CEP128: variants seen among roughly 807,000 people sequenced by gnomAD.
CEP128 encodes centrosomal protein 128kDa.
In CEP128, 132 loss-of-function variants were observed where a neutral mutation model predicts 156.7. The ratio of observed to expected loss-of-function variants is 0.84; its 90% CI spans 0.73 to 0.97. The LOEUF is 0.97. CEP128 is among the 50% of genes least tolerant of loss of function. The pLI, the probability that CEP128 is intolerant of heterozygous loss-of-function variation, is 0.00. For missense variants in CEP128, 1,252 were observed against 1,281.9 expected (o/e 0.98, Z 0.36); for synonymous variants, 469 against 448.9 (o/e 1.04, Z -0.57).
intron 13 of CEP128, among the ~76,000 whole-genome samples, chr14:80,810,313 A>C (rs1037677347): frequency 8.1e-6 from 1 of 124,104 alleles, no homozygotes; most frequent in Non-Finnish European, 1.6e-5. Flanking sequence ...ACAGAGCAAG[A>C]CTCCATCTCC....
At chr14:80,805,343 A>T (rs1884115957) in intron 13 of CEP128, among the ~76,000 whole-genome samples, 1 of 152,058 alleles carries the variant, frequency 6.6e-6, no homozygotes, top group Non-Finnish European at 1.5e-5. Context: ...TCATACAGAC[A>T]TTATTTATTT....
At chr14:80,559,200 T>C in intron 21 of CEP128, 79 bp downstream of exon 21, 1 of 1,236,794 alleles carries the variant, frequency 8.1e-7, no homozygotes, top group Non-Finnish European at 1.2e-6. Context: ...TGAAACTGTT[T>C]CCTTTGGTGT....
At chr14:80,872,252 C>T (rs951286861) in intron 8 of CEP128, among the ~76,000 whole-genome samples, 1 of 152,052 alleles carries the variant, frequency 6.6e-6, no homozygotes, top group African/African-American at 2.4e-5. Context: ...GGTATAAGGC[C>T]TATGCAATAT....
At chr14:80,550,054 TCA>T (rs1051252793) in intron 21 of CEP128, among the ~76,000 whole-genome samples, 21 of 152,294 alleles carry the variant, frequency 1.4e-4, no homozygotes, top group African/African-American at 4.3e-4. Flanking sequence ...GCTTCAGACT[TCA>T]CAGTGTTTTT....
chr14:80,615,347 C>G (rs546045256), intron 19 of CEP128, among the ~76,000 whole-genome samples: 1 of 152,298 alleles, frequency 6.6e-6, no homozygotes, highest in Non-Finnish European at 1.5e-5. Flanking sequence ...CAGCAGATGA[C>G]CCTCTTGGCT....
intron 19 of CEP128, among the ~76,000 whole-genome samples, chr14:80,628,968 CACAGTTAGACT>C (rs1893848726): frequency 1.3e-5 from 2 of 151,628 alleles, no homozygotes; most frequent in African/African-American, 4.8e-5. Context: ...TTTCTTGTGC[CACAGTTAGACT>C]ACATTTGTAT....
chr14:80,926,906 A>C (rs1885181498), intron 2 of CEP128, among the ~76,000 whole-genome samples: 1 of 152,206 alleles, frequency 6.6e-6, no homozygotes, highest in Non-Finnish European at 1.5e-5. Flanking sequence ...CATTTGAGAA[A>C]GCCAACACAC....
intron 20 of CEP128, among the ~76,000 whole-genome samples, chr14:80,563,078 G>T (rs12587768): frequency 0.57 from 86,038 of 151,860 alleles, 24,676 homozygotes; most frequent in East Asian, 0.72. Context: ...ACCTCTCCCA[G>T]TTTACCCAGA....
chr14:80,785,339 A>G lies in CEP128; in HGVS notation c.1767T>C (p.His589=), dbSNP rs1005663101. 1 of 1,614,136 alleles carries G rather than the reference A, an allele frequency of 6.2e-7. No homozygotes were observed. The highest frequency in any genetic ancestry group is 8.5e-7 in the Non-Finnish European group (1 of 1,180,002). The stretch of plus-strand genomic sequence containing the variant: ...GCTTTTTCAATTCGCTCTCCAGTCT[A>G]TGGATGGTATCCAGGGAATTCTTAA... ...LEVKNSLDTI[H]RLESELKKQS... Residue 589 remains histidine (H), a synonymous_variant, in exon 15 of 25, where the codon CAT becomes CAC. Transcript: ENST00000555265.
intron 19 of CEP128, among the ~76,000 whole-genome samples, chr14:80,641,228 C>T (rs1894395248): frequency 6.6e-6 from 1 of 152,180 alleles, no homozygotes; most frequent in Non-Finnish European, 1.5e-5. Context: ...AACTACTGCT[C>T]TCATTTTAGG....
intron 13 of CEP128, among the ~76,000 whole-genome samples, chr14:80,826,345 T>C (rs796079905): frequency 1.3e-5 from 2 of 152,280 alleles, no homozygotes; most frequent in African/African-American, 4.8e-5. Flanking sequence ...ATTCAGGTAA[T>C]AGCATATTTT....
chr14:80,666,362 T>C (rs1049285246), intron 19 of CEP128, among the ~76,000 whole-genome samples: 1 of 152,152 alleles, frequency 6.6e-6, no homozygotes, highest in South Asian at 2.1e-4. Flanking sequence ...GAAACACACT[T>C]TCTATGAAAC....
At chr14:80,848,896 T>C (rs1021923021) in intron 9 of CEP128, among the ~76,000 whole-genome samples, 21 of 151,344 alleles carry the variant, frequency 1.4e-4, no homozygotes, top group Admixed American at 5.3e-4. Context: ...CACTCTAGCC[T>C]GGGCAACAGA....
intron 20 of CEP128, among the ~76,000 whole-genome samples, chr14:80,569,764 A>G (rs1392815053): frequency 6.6e-6 from 1 of 152,200 alleles, no homozygotes; most frequent in Non-Finnish European, 1.5e-5. Context: ...TGGTCTTTAC[A>G]TGTTTATTTG....
At chr14:80,927,872 C>T (rs1235061639) in intron 2 of CEP128, among the ~76,000 whole-genome samples, 1 of 152,208 alleles carries the variant, frequency 6.6e-6, no homozygotes, top group Non-Finnish European at 1.5e-5. Flanking sequence ...GTGCATACCT[C>T]TGAGGAATGA....
intron 18 of CEP128, among the ~76,000 whole-genome samples, chr14:80,746,629 A>G (rs900809578): frequency 3.3e-5 from 5 of 152,256 alleles, no homozygotes; most frequent in African/African-American, 9.6e-5. Flanking sequence ...AGCTGAAACT[A>G]TAAGATTATT....
intron 14 of CEP128, among the ~76,000 whole-genome samples, chr14:80,478,969 T>C (rs1886998693): frequency 6.6e-6 from 1 of 152,204 alleles, no homozygotes; most frequent in Non-Finnish European, 1.5e-5. Context: ...TCAGAGTTTA[T>C]GGATGAAGTG....
At chr14:80,623,133 A>G (rs1240566998) in intron 19 of CEP128, among the ~76,000 whole-genome samples, 6 of 151,600 alleles carry the variant, frequency 4.0e-5, no homozygotes. Flanking sequence ...GCAGCCATAA[A>G]AAATGATGAG....
chr14:80,642,333 T>C (rs1894451485), intron 19 of CEP128, among the ~76,000 whole-genome samples: 1 of 152,096 alleles, frequency 6.6e-6, no homozygotes, highest in Non-Finnish European at 1.5e-5. Context: ...ACATGGGATG[T>C]GTAATTAGGA....
Sources: allele counts gnomAD v4.1 joint callset (sites outside exome capture counted in the v4.1 genomes callset), GRCh38; gene constraint gnomAD v4.1.1; transcripts MANE v1.5; gene names NCBI Gene and HGNC (gene_info 2026-07-23, HGNC 2026-07-21).